DPF3: variants seen among roughly 807,000 people sequenced by gnomAD.
The protein encoded by DPF3 is zinc finger protein DPF3.
In DPF3, 18 loss-of-function variants were observed where a neutral mutation model predicts 56.8. The observed-to-expected ratio is 0.32, with a 90% CI of 0.22 to 0.47. The LOEUF (loss-of-function observed/expected upper bound fraction) is 0.47. DPF3 is among the 20% of genes least tolerant of loss of function. The pLI is 1.00. For synonymous variants in DPF3, 188 were observed against 180.2 expected (o/e 1.04, Z -0.35); for missense variants, 403 against 488.8 (o/e 0.82, Z 1.65).
intron 5 of DPF3, among the ~76,000 whole-genome samples, chr14:72,717,175 C>A (rs925734779): frequency 6.6e-6 from 1 of 152,222 alleles, no homozygotes; most frequent in Non-Finnish European, 1.5e-5. Context: ...CCAGGCTTTG[C>A]CCTTGCTAAC....
intron 8 of DPF3, among the ~76,000 whole-genome samples, chr14:72,658,057 T>C (rs1886105747): frequency 6.6e-6 from 1 of 152,196 alleles, no homozygotes; most frequent in Admixed American, 6.6e-5. Flanking sequence ...TGAAATAAGA[T>C]GCATACAAAA....
chr14:72,690,587 C>T (rs573540994), intron 7 of DPF3, among the ~76,000 whole-genome samples: 6 of 145,224 alleles, frequency 4.1e-5, no homozygotes, highest in Non-Finnish European at 5.9e-5. Context: ...ATACACAACA[C>T]GTATACACAC....
intron 8 of DPF3, among the ~76,000 whole-genome samples, chr14:72,646,441 A>G (rs1419784848): frequency 6.6e-6 from 1 of 152,224 alleles, no homozygotes; most frequent in African/African-American, 2.4e-5. Flanking sequence ...ATCCAGAAAG[A>G]TGCCCACAAC....
chr14:72,830,774 T>C (rs1006456476), intron 1 of DPF3, among the ~76,000 whole-genome samples: 2 of 152,214 alleles, frequency 1.3e-5, no homozygotes, highest in Non-Finnish European at 2.9e-5. Context: ...TAGTGGACTT[T>C]CAATAAACAC....
intron 6 of DPF3, among the ~76,000 whole-genome samples, chr14:72,695,895 T>C (rs970817961): frequency 6.6e-6 from 1 of 152,076 alleles, no homozygotes; most frequent in Admixed American, 6.6e-5. Flanking sequence ...TATTCTCTCT[T>C]CCTCTCTCTC....
intron 1 of DPF3, among the ~76,000 whole-genome samples, chr14:72,883,926 C>CAAAAAA (rs5809597): frequency 2.5e-5 from 3 of 121,654 alleles, no homozygotes; most frequent in East Asian, 2.3e-4. Flanking sequence ...GACTCTGTCT[C>CAAAAAA]AAAAAAAAAA....
intron 1 of DPF3, among the ~76,000 whole-genome samples, chr14:72,788,403 A>T (rs1394227360): frequency 6.6e-6 from 1 of 152,088 alleles, no homozygotes; most frequent in East Asian, 1.9e-4. Context: ...AGAAGCAACA[A>T]AGAAGGAAGG....
chr14:72,834,390 G>C (rs1237501605), intron 1 of DPF3, among the ~76,000 whole-genome samples: 1 of 151,412 alleles, frequency 6.6e-6, no homozygotes, highest in Non-Finnish European at 1.5e-5. Flanking sequence ...CCAGCTATTC[G>C]GGAGGCTGAG....
intron 8 of DPF3, among the ~76,000 whole-genome samples, chr14:72,648,075 T>TA (rs1599326647): frequency 6.6e-6 from 1 of 152,300 alleles, no homozygotes; most frequent in East Asian, 1.9e-4. Flanking sequence ...TCTTGGCCTA[T>TA]ACCAAGCACA....
intron 8 of DPF3, among the ~76,000 whole-genome samples, chr14:72,637,429 C>T (rs1885416820): frequency 6.6e-6 from 1 of 152,178 alleles, no homozygotes; most frequent in Admixed American, 6.5e-5. Flanking sequence ...GTCACTGCAG[C>T]TGAGGATCAA....
intron 7 of DPF3, 106 bp from the exon 8 acceptor site, chr14:72,674,474 G>A: frequency 6.9e-7 from 1 of 1,455,710 alleles, no homozygotes; most frequent in Non-Finnish European, 9.1e-7. Flanking sequence ...GGAATCTGAG[G>A]TTTTATTATA....
Position 72,695,620 on chromosome 14 carries a change from A to G in DPF3, c.605-2407T>C, listed in dbSNP as rs1163204600. On this transcript the variant is annotated intron_variant, in intron 6 of 10. Coordinates refer to ENST00000556509, the MANE Select transcript of DPF3 (RefSeq NM_001280542.3). ...GATTTTGTTCTTTTTATGGCTGTGT[A>G]ATATTCCACGGAATATCCTGAACAC... 3.9e-5 allele frequency among the ~76,000 whole-genome samples: 6 copies of G among 152,288 alleles called. No individual in the cohort carries two copies. The East Asian group carries it at 5.8e-4, about 15-fold the overall frequency.
At chr14:72,773,260 G>T (rs192849543) in intron 1 of DPF3, among the ~76,000 whole-genome samples, 1 of 151,748 alleles carries the variant, frequency 6.6e-6, no homozygotes, top group Non-Finnish European at 1.5e-5. Context: ...AGCCTCCTGA[G>T]TAGCTGGGAT....
chr14:72,781,270 C>A (rs985193668), intron 1 of DPF3, among the ~76,000 whole-genome samples: 1 of 152,228 alleles, frequency 6.6e-6, no homozygotes, highest in Non-Finnish European at 1.5e-5. Flanking sequence ...TCATCCCTAA[C>A]AAAATTGCCA....
intron 1 of DPF3, among the ~76,000 whole-genome samples, chr14:72,889,174 G>T (rs556506168): frequency 2.0e-5 from 3 of 152,276 alleles, no homozygotes; most frequent in South Asian, 4.1e-4. Context: ...ATGTGACTAA[G>T]CAGCTCCCAT....
At chr14:72,801,669 G>C (rs539225065) in intron 1 of DPF3, among the ~76,000 whole-genome samples, 1 of 152,282 alleles carries the variant, frequency 6.6e-6, no homozygotes, top group East Asian at 1.9e-4. Flanking sequence ...GGTGGGTTCA[G>C]CTCTCACTTT....
chr14:72,670,465 G>C, intron 8 of DPF3: 1 of 986,038 alleles, frequency 1.0e-6, no homozygotes, highest in Non-Finnish European at 1.2e-6. Flanking sequence ...TTTCTCGCAA[G>C]CAGAGAGGAA....
At chr14:72,893,986 G>A (rs1348690903) in intron 1 of DPF3, 71 bp downstream of exon 1, 1 of 1,588,196 alleles carries the variant, frequency 6.3e-7, no homozygotes, top group Admixed American at 1.8e-5. Context: ...GGCAGCGCTC[G>A]CCACGCAGAA....
intron 2 of DPF3, among the ~76,000 whole-genome samples, chr14:72,755,271 C>T (rs1413552262): frequency 6.6e-6 from 1 of 152,206 alleles, no homozygotes; most frequent in Admixed American, 6.5e-5. Context: ...GTCCTACACC[C>T]TCCCTGAGAC....
Sources: allele counts gnomAD v4.1 joint callset (sites outside exome capture counted in the v4.1 genomes callset), GRCh38; gene constraint gnomAD v4.1.1; transcripts MANE v1.5; gene names NCBI Gene and HGNC (gene_info 2026-07-23, HGNC 2026-07-21).